Variants in KIF9 observed in about 807,000 individuals in gnomAD.
KIF9 encodes kinesin family member 9.
Under a neutral mutation model 94.8 loss-of-function variants are expected in KIF9, and 68 were observed. That is an observed-to-expected ratio of 0.72 (90% confidence interval 0.59 to 0.88). The LOEUF (loss-of-function observed/expected upper bound fraction) is 0.88. Among genes scored for constraint, KIF9 ranks in the 40% least tolerant of loss-of-function variants. The probability of loss-of-function intolerance (pLI) is 0.00; values close to 1 mark genes in which losing one functional copy is unlikely to be tolerated. For synonymous variants in KIF9, 343 were observed against 362.1 expected (o/e 0.95, Z 0.60); for missense variants, 882 against 982.5 (o/e 0.90, Z 1.37).
chr3:47,242,989 C>A (rs967578059), intron 16 of KIF9, 62 bp downstream of exon 16: 4 of 1,339,518 alleles, frequency 3.0e-6, no homozygotes, highest in Non-Finnish European at 4.2e-6. Flanking sequence ...GTACTCTTCA[C>A]ATGTTGAGGA....
At chr3:47,280,366 C>A (rs1235276048) in intron 1 of KIF9, among the ~76,000 whole-genome samples, 3 of 152,152 alleles carry the variant, frequency 2.0e-5, no homozygotes, top group Admixed American at 6.5e-5. Flanking sequence ...GGTGCCCAGG[C>A]CTCTCTCCCT....
In KIF9 at chr3:47,268,478, T is replaced by C. The variant is rs1017823870; in HGVS notation, c.592-1215A>G. Among the ~76,000 whole-genome samples, 18 of 152,174 alleles carry C rather than the reference T, an allele frequency of 1.2e-4. No individual in the cohort carries two copies. In the East Asian group the frequency reaches 3.1e-3, roughly 26 times the overall value. ...CAAGCCTAGCAGACTCCTGTGGCCATACCTCTATAGCTTATAGTAGTGAGG... is the reference window on the plus strand; with the variant it reads ...CAAGCCTAGCAGACTCCTGTGGCCACACCTCTATAGCTTATAGTAGTGAGG... On this transcript the variant is annotated intron_variant, in intron 5 of 20. Transcript: ENST00000684063.
intron 17 of KIF9, chr3:47,240,127 C>T: frequency 2.8e-6 from 1 of 356,398 alleles, no homozygotes; most frequent in South Asian, 2.4e-5. Context: ...CTTGGTGGGC[C>T]TTGGCCCTCA....
intron 20 of KIF9, 143 bp downstream of exon 20, chr3:47,235,370 A>G: frequency 1.5e-6 from 1 of 655,356 alleles, no homozygotes; most frequent in Non-Finnish European, 2.7e-6. Context: ...TCTAGTTGGC[A>G]GAAGACACCC....
chr3:47,282,773 A>C lies in KIF9; in HGVS notation c.-284T>G. The C allele has an allele frequency of 7.0e-7, 1 of 1,426,254 alleles. No homozygotes were observed. The highest frequency in any genetic ancestry group is 9.1e-7 in the Non-Finnish European group (1 of 1,093,480). 88.3% of individuals were successfully genotyped at this position (1,426,254 alleles called of 1,614,324 possible). A position where few individuals can be genotyped will look rare whatever the true frequency, so the allele number is the denominator to read the frequency against. On this transcript the variant is annotated 5_prime_UTR_variant, in exon 1 of 21. Transcript: ENST00000684063. ...AAGTCAAGGTCGAGATAGCGAGGGAACGAAGGCCGCACATGAACCAGGAAG... is the reference window on the plus strand; with the variant it reads ...AAGTCAAGGTCGAGATAGCGAGGGACCGAAGGCCGCACATGAACCAGGAAG...
At chr3:47,251,065 C>T (rs1700242145) in intron 10 of KIF9, among the ~76,000 whole-genome samples, 1 of 152,242 alleles carries the variant, frequency 6.6e-6, no homozygotes, top group African/African-American at 2.4e-5. Flanking sequence ...ACAAAGGTCC[C>T]CTTCAGGTGT....
At chr3:47,264,383 C>A (rs1251147322) in intron 8 of KIF9, 33 bp from the exon 9 acceptor site, 12 of 1,585,292 alleles carry the variant, frequency 7.6e-6, no homozygotes, top group Non-Finnish European at 9.5e-6. Context: ...GGGCTATGAA[C>A]CATGTGTTTT....
intron 10 of KIF9, chr3:47,250,484 A>T (rs2107278568): frequency 2.6e-6 from 1 of 391,054 alleles, no homozygotes. Context: ...AGCACTCCAT[A>T]GATTTTAGGT....
intron 17 of KIF9, 25 bp from the exon 18 acceptor site, chr3:47,236,644 G>A (rs755230830): frequency 2.5e-6 from 4 of 1,609,296 alleles, no homozygotes; most frequent in Admixed American, 1.7e-5. Flanking sequence ...AAGAAGTCAG[G>A]AAATGAGGAG....
chr3:47,249,148 A>ATTT lies in KIF9; in HGVS notation c.1060-1065_1060-1063dup, dbSNP rs36111901. 3.0e-3 allele frequency among the ~76,000 whole-genome samples: 412 copies of ATTT among 139,034 alleles called. 8 individuals carry two copies. The highest frequency in any genetic ancestry group is 6.2e-3 in the South Asian group (27 of 4,378). 91.2% of individuals were successfully genotyped at this position (139,034 alleles called of 152,430 possible). On this transcript the variant is annotated intron_variant, in intron 10 of 20. Coordinates refer to ENST00000684063, the MANE Select transcript of KIF9 (RefSeq NM_182902.4). ...ATAATAATCATGTATGTCACCTCTA[A>ATTT]TTTTTTTTTTTTTTTGAGATGGGGT...
intron 13 of KIF9, chr3:47,245,786 T>G (rs1699885552): frequency 1.9e-6 from 1 of 515,754 alleles, no homozygotes; most frequent in African/African-American, 1.9e-5. Context: ...AAGCTTCACT[T>G]GGGACCATGT....
intron 6 of KIF9, 45 bp downstream of exon 6, chr3:47,267,135 G>C (rs777630750): frequency 1.9e-6 from 3 of 1,598,436 alleles, no homozygotes; most frequent in Non-Finnish European, 2.6e-6. Context: ...AGGCCCCGTG[G>C]GAATTGACTG....
intron 20 of KIF9, among the ~76,000 whole-genome samples, chr3:47,231,326 T>A (rs1698559480): frequency 6.6e-6 from 1 of 150,994 alleles, no homozygotes; most frequent in Non-Finnish European, 1.5e-5. Context: ...CTACCCCAAG[T>A]GTGGTCCTGG....
intron 7 of KIF9, among the ~76,000 whole-genome samples, chr3:47,266,628 C>T (rs370082102): frequency 2.0e-5 from 3 of 152,098 alleles, no homozygotes; most frequent in East Asian, 1.9e-4. Context: ...CTGGGAGACA[C>T]GGCGAGACTG....
In KIF9 at chr3:47,282,636, G is replaced by T; in HGVS notation, c.-147C>A. 7 of 1,147,572 alleles carry T rather than the reference G, an allele frequency of 6.1e-6. No individual in the cohort carries two copies. The highest frequency in any genetic ancestry group is 7.6e-6 in the Non-Finnish European group (7 of 926,860). The allele number at this position is 1,147,572 out of a possible 1,614,324, so 71.1% of individuals were successfully genotyped here. Reference sequence around the variant, plus strand: ...GGGATTCCGGAAGTGTCGGGGTGGCGGAAATGAAGTCCGAGGTCCTACGTC... The same window carrying T: ...GGGATTCCGGAAGTGTCGGGGTGGCTGAAATGAAGTCCGAGGTCCTACGTC... On this transcript the variant is annotated 5_prime_UTR_variant, in exon 1 of 21. Transcript: ENST00000684063.
chr3:47,280,650 C>A (rs1306952492), intron 1 of KIF9, among the ~76,000 whole-genome samples: 2 of 152,206 alleles, frequency 1.3e-5, no homozygotes, highest in East Asian at 3.8e-4. Flanking sequence ...CACCACTGCT[C>A]TCCAGCCTGG....
intron 1 of KIF9, among the ~76,000 whole-genome samples, chr3:47,281,695 G>A (rs554115237): frequency 6.6e-6 from 1 of 152,304 alleles, no homozygotes; most frequent in Admixed American, 6.5e-5. Context: ...TCTCCTTGGG[G>A]AACCACCCTT....
At chr3:47,276,808 C>G (rs888535054) in intron 2 of KIF9, among the ~76,000 whole-genome samples, 3 of 152,192 alleles carry the variant, frequency 2.0e-5, no homozygotes, top group Non-Finnish European at 4.4e-5. Context: ...ATATCTAACA[C>G]TCTTACACTG....
intron 19 of KIF9, 76 bp from the exon 20 acceptor site, chr3:47,235,693 G>A: frequency 8.3e-7 from 1 of 1,206,528 alleles, no homozygotes; most frequent in Non-Finnish European, 1.2e-6. Flanking sequence ...CATCAGGGCA[G>A]TCCCTTGCTG....
Sources: allele counts gnomAD v4.1 joint callset (sites outside exome capture counted in the v4.1 genomes callset), GRCh38; gene constraint gnomAD v4.1.1; transcripts MANE v1.5; gene names NCBI Gene and HGNC (gene_info 2026-07-23, HGNC 2026-07-21).